ZFAND4: variants seen among roughly 807,000 people sequenced by gnomAD.
ZFAND4 encodes AN1-type zinc finger protein 4.
A neutral mutation model predicts 64.4 loss-of-function variants in ZFAND4; 43 were observed. The ratio of observed to expected loss-of-function variants is 0.67; its 90% CI spans 0.52 to 0.86. The LOEUF (loss-of-function observed/expected upper bound fraction) is 0.86. Among genes scored for constraint, ZFAND4 ranks in the 40% least tolerant of loss-of-function variants. The pLI, the probability that ZFAND4 is intolerant of heterozygous loss-of-function variation, is 0.00. For synonymous variants in ZFAND4, 296 were observed against 305.7 expected (o/e 0.97, Z 0.33); for missense variants, 929 against 859.8 (o/e 1.08, Z -1.01).
chr10:45,616,612 A>G (rs1183533449), intron 9 of ZFAND4, 41 bp from the exon 10 acceptor site: 2 of 1,610,230 alleles, frequency 1.2e-6, no homozygotes, highest in Non-Finnish European at 1.7e-6. Flanking sequence ...TTGTATTTCT[A>G]TGAAAGGCTC....
chr10:45,635,213 A>AC (rs2046493417), intron 6 of ZFAND4, among the ~76,000 whole-genome samples: 2 of 141,546 alleles, frequency 1.4e-5, no homozygotes, highest in African/African-American at 5.5e-5. Context: ...AAAAAAAAAA[A>AC]CAAAAAAAAA....
chr10:45,637,200 G>A (rs1287779077), intron 6 of ZFAND4, among the ~76,000 whole-genome samples: 1 of 151,798 alleles, frequency 6.6e-6, no homozygotes, highest in East Asian at 1.9e-4. Context: ...AAATAGCCGG[G>A]CATGGTGGCA....
intron 6 of ZFAND4, among the ~76,000 whole-genome samples, chr10:45,638,354 C>T (rs947524375): frequency 4.0e-5 from 6 of 150,918 alleles, no homozygotes; most frequent in East Asian, 3.9e-4. Flanking sequence ...ATTAGCCCGG[C>T]GTAGTGGCGG....
intron 1 of ZFAND4, among the ~76,000 whole-genome samples, chr10:45,669,698 C>T (rs111814802): frequency 0.016 from 2,448 of 152,308 alleles, 75 homozygotes; most frequent in African/African-American, 0.055. Flanking sequence ...AAGTCGGCCT[C>T]ATCCCTGGGA....
At chr10:45,638,261 A>G (rs909465614) in intron 6 of ZFAND4, among the ~76,000 whole-genome samples, 1 of 151,304 alleles carries the variant, frequency 6.6e-6, no homozygotes, top group Non-Finnish European at 1.5e-5. Context: ...AGGCAGTCAG[A>G]TCATGAGGTC....
At position 45,651,993 on chromosome 10, in the gene ZFAND4, G is replaced by A. The variant is rs780570840; in HGVS notation, c.301C>T (p.Arg101Cys). 7.1e-5 allele frequency: 115 copies of A among 1,613,528 alleles called. No homozygotes were observed. The highest frequency in any genetic ancestry group is 8.8e-5 in the Non-Finnish European group (104 of 1,179,742). Residue 101 changes from arginine to cysteine, a missense_variant, in exon 4 of 10, where the codon CGT (arginine) becomes TGT (cysteine). Coordinates refer to ENST00000344646, the MANE Select transcript of ZFAND4 (RefSeq NM_174890.4). The part of the protein sequence containing the change: ...GCTLKLVLAM[R>C]GGPINTRRVP... ...CTTCTAGTATTTATAGGTCCGCCAC[G>A]CATAGCCAAAACTAGCTTCAAGGTA...
intron 2 of ZFAND4, among the ~76,000 whole-genome samples, chr10:45,658,219 TA>T (rs912893049): frequency 1.3e-5 from 2 of 152,096 alleles, no homozygotes; most frequent in African/African-American, 4.8e-5. Flanking sequence ...GGTATCCATA[TA>T]AAAAGGAGAA....
intron 1 of ZFAND4, among the ~76,000 whole-genome samples, chr10:45,670,799 A>C (rs2049133015): frequency 6.6e-6 from 1 of 152,240 alleles, no homozygotes; most frequent in African/African-American, 2.4e-5. Flanking sequence ...TAAAACACCA[A>C]AAGCAATGGC....
chr10:45,634,629 G>T (rs978006332), intron 6 of ZFAND4, among the ~76,000 whole-genome samples: 3 of 151,772 alleles, frequency 2.0e-5, no homozygotes, highest in Non-Finnish European at 4.4e-5. Context: ...TAAATGAAAA[G>T]AAGTACTAGT....
At chr10:45,670,972 T>C (rs959568963) in intron 1 of ZFAND4, among the ~76,000 whole-genome samples, 1 of 151,966 alleles carries the variant, frequency 6.6e-6, no homozygotes, top group Non-Finnish European at 1.5e-5. Flanking sequence ...ACAAAGAACT[T>C]AGACAAATTT....
At chr10:45,641,716 G>A (rs1279291785) in intron 5 of ZFAND4, among the ~76,000 whole-genome samples, 1 of 152,148 alleles carries the variant, frequency 6.6e-6, no homozygotes, top group Non-Finnish European at 1.5e-5. Context: ...TAATAATATT[G>A]CCTGCCATTT....
intron 5 of ZFAND4, among the ~76,000 whole-genome samples, chr10:45,646,992 G>C (rs1466624141): frequency 2.6e-5 from 4 of 152,132 alleles, no homozygotes; most frequent in Non-Finnish European, 1.5e-5. Flanking sequence ...TTTCTTTCAT[G>C]TAACACTCTG....
chr10:45,657,110 C>T (rs1589412054), intron 2 of ZFAND4, among the ~76,000 whole-genome samples: 1 of 151,362 alleles, frequency 6.6e-6, no homozygotes, highest in African/African-American at 2.4e-5. Flanking sequence ...ATGTCCTGAG[C>T]TCAAGCGATC....
chr10:45,643,065 C>A (rs1228775291), intron 5 of ZFAND4, among the ~76,000 whole-genome samples: 4 of 151,534 alleles, frequency 2.6e-5, no homozygotes, highest in Non-Finnish European at 1.5e-5. Context: ...GGATTACAGG[C>A]ATGCACCATC....
intron 6 of ZFAND4, among the ~76,000 whole-genome samples, chr10:45,634,260 C>A (rs767550403): frequency 6.6e-6 from 1 of 152,180 alleles, no homozygotes; most frequent in Non-Finnish European, 1.5e-5. Flanking sequence ...CGCGGTGGCT[C>A]ATGCCTGTAA....
intron 5 of ZFAND4, 81 bp downstream of exon 5, chr10:45,648,213 G>C (rs2047521284): frequency 3.0e-6 from 4 of 1,350,216 alleles, no homozygotes; most frequent in Non-Finnish European, 3.9e-6. Context: ...TGGGGGCTGG[G>C]GCAGGAATGA....
At chr10:45,617,605 A>AAAAAAAG (rs2045091985) in intron 9 of ZFAND4, among the ~76,000 whole-genome samples, 1 of 150,202 alleles carries the variant, frequency 6.7e-6, no homozygotes. Flanking sequence ...AAAAAAAAAA[A>AAAAAAAG]AAAAAAAAGT....
chr10:45,652,012 C>T lies in ZFAND4; in HGVS notation c.282G>A (p.Leu94=), dbSNP rs1428583305. The part of the protein sequence containing the change: ...NDYNISEGCT[L]KLVLAMRGGP... ...CGCCACGCATAGCCAAAACTAGCTT[C>T]AAGGTACACCCTTCTGAAATGCTGT... is the stretch of plus-strand genomic sequence containing the variant. Residue 94 remains leucine (L), a synonymous_variant, in exon 4 of 10, where the codon TTG becomes TTA. Transcript: ENST00000344646. 6.2e-7 allele frequency: 1 copy of T among 1,613,834 alleles called. No individual in the cohort carries two copies. The highest frequency in any genetic ancestry group is 8.5e-7 in the Non-Finnish European group (1 of 1,179,794).
rs762838459 is a variant in ZFAND4, at chr10:45,627,026, T to C, written c.797A>G (p.His266Arg). The C allele has an allele frequency of 1.5e-4, 239 of 1,606,384 alleles. No homozygotes were observed. The highest frequency in any genetic ancestry group is 2.0e-4 in the Non-Finnish European group (231 of 1,175,480). Residue 266 changes from histidine (H) to arginine (R), a missense_variant, in exon 7 of 10, where the codon CAC becomes CGC. His to Arg is a conservative substitution (Grantham distance 29, BLOSUM62 0). Transcript: ENST00000344646. ...PSSGSTAPSRHRLLRVLPNIG... is the reference protein window; with the variant it reads ...PSSGSTAPSRRRLLRVLPNIG... The stretch of plus-strand genomic sequence containing the variant: ...GTTGGGGAGGACCCTTAACAATCGG[T>C]GGCGAGATGGTGCAGTGGAACCACT...
Sources: allele counts gnomAD v4.1 joint callset (sites outside exome capture counted in the v4.1 genomes callset), GRCh38; gene constraint gnomAD v4.1.1; transcripts MANE v1.5; gene names NCBI Gene and HGNC (gene_info 2026-07-23, HGNC 2026-07-21).